Variants in EXO1 observed in about 807,000 individuals in gnomAD.
The protein encoded by EXO1 is exonuclease 1.
EXO1 carries 69 observed loss-of-function variants against 84.5 expected under a neutral mutation model. The ratio of observed to expected loss-of-function variants is 0.82; its 90% confidence interval spans 0.67 to 1.00. EXO1 has a LOEUF of 1.00. Among genes scored for constraint, EXO1 ranks in the 50% least tolerant of loss-of-function variants. EXO1 has a pLI of 0.00. For missense variants in EXO1, 1,045 were observed against 1,000.7 expected, an observed-to-expected ratio of 1.04 and a Z score of -0.60; for synonymous variants, 373 against 366.1, an observed-to-expected ratio of 1.02 and a Z score of -0.21.
At chr1:241,870,279 A>G (rs1662016053) in intron 11 of EXO1, among the ~76,000 whole-genome samples, 1 of 152,228 alleles carries the variant, frequency 6.6e-6, no homozygotes, top group Non-Finnish European at 1.5e-5. Context: ...ACAAACACAA[A>G]AACAAAACAA....
At chr1:241,862,238 G>A (rs181664115) in intron 10 of EXO1, among the ~76,000 whole-genome samples, 117 of 152,210 alleles carry the variant, frequency 7.7e-4, no homozygotes, top group African/African-American at 2.5e-3. Context: ...ACTCCTAGCC[G>A]CGATTTGCTG....
intron 10 of EXO1, among the ~76,000 whole-genome samples, chr1:241,863,289 C>T (rs895212138): frequency 6.6e-5 from 10 of 151,808 alleles, no homozygotes; most frequent in East Asian, 1.9e-4. Context: ...TGACCATTTT[C>T]GTAAATAGGG....
chr1:241,853,423 G>C lies in EXO1; in HGVS notation c.347G>C (p.Arg116Pro), dbSNP rs371763760. The C allele has an allele frequency of 6.2e-7, 1 of 1,613,940 alleles. No individual in the cohort carries two copies. Among genetic ancestry groups the C allele is most frequent in the Non-Finnish European group, 8.5e-7 (1 of 1,179,900 alleles). ...LLREGKVSEA[R>P]ECFTRSINIT... is the part of the protein sequence containing the mutation. ...CGTGAGGGGAAAGTCTCGGAAGCTCGAGAGTGTTTCACCCGGTCTATCAAT... is the reference window on the plus strand; with the variant it reads ...CGTGAGGGGAAAGTCTCGGAAGCTCCAGAGTGTTTCACCCGGTCTATCAAT... The change falls in exon 6 of 16, where the codon CGA (arginine) becomes CCA (proline). Residue 116 changes from arginine (R) to proline (P), a missense_variant. By Grantham distance (103) the Arg-to-Pro change is moderately radical. Coordinates refer to ENST00000366548, the MANE Select transcript of EXO1 (RefSeq NM_130398.4).
At chr1:241,852,505 C>G in intron 5 of EXO1, 94 bp downstream of exon 5, 2 of 1,179,214 alleles carry the variant, frequency 1.7e-6, no homozygotes, top group Non-Finnish European at 2.5e-6. Context: ...TTAAGCCAGG[C>G]TCAGTGGCTT....
At position 241,872,270 on chromosome 1, in the gene EXO1, C is replaced by A; in HGVS notation, c.1506C>A (p.Thr502=). 6.2e-7 allele frequency: 1 copy of A among 1,613,914 alleles called. No homozygotes were observed. The highest frequency in any genetic ancestry group is 8.5e-7 in the Non-Finnish European group (1 of 1,179,912). ...EESGAVVVPG[T]RSRFFCSSDS... is the part of the protein sequence containing the mutation. The stretch of plus-strand genomic sequence containing the variant: ...GTGGTGCAGTTGTGGTTCCAGGGAC[C>A]AGAAGCAGGTATAGTTATGTCTCCA... The change falls in exon 12 of 16, where the codon ACC becomes ACA. Residue 502 remains threonine (T), a synonymous_variant. Transcript: ENST00000366548.
intron 14 of EXO1, among the ~76,000 whole-genome samples, chr1:241,883,096 A>G (rs1662864948): frequency 6.6e-6 from 1 of 152,094 alleles, no homozygotes; most frequent in Admixed American, 6.6e-5. Flanking sequence ...ATATAGGTGA[A>G]TTTTTTTCTG....
intron 14 of EXO1, among the ~76,000 whole-genome samples, chr1:241,884,850 G>A (rs1662961277): frequency 6.6e-6 from 1 of 152,236 alleles, no homozygotes; most frequent in African/African-American, 2.4e-5. Flanking sequence ...GATGACTTCT[G>A]TAATAGACTT....
chr1:241,857,296 G>T, intron 6 of EXO1, 49 bp from the exon 7 acceptor site: 2 of 1,604,296 alleles, frequency 1.2e-6, no homozygotes, highest in Non-Finnish European at 1.7e-6. Flanking sequence ...AAGTTGTTTA[G>T]TACTTTCCAG....
intron 5 of EXO1, 106 bp downstream of exon 5, chr1:241,852,517 C>T (rs1195379258): frequency 9.6e-6 from 10 of 1,041,434 alleles, no homozygotes; most frequent in African/African-American, 6.2e-5. Context: ...CAGTGGCTTG[C>T]ACCTGTTGTC....
intron 8 of EXO1, among the ~76,000 whole-genome samples, chr1:241,859,615 A>G (rs1178504583): frequency 1.3e-5 from 2 of 152,166 alleles, no homozygotes; most frequent in East Asian, 1.9e-4. Flanking sequence ...TAACGTGTAT[A>G]TGCAAATATT....
chr1:241,860,681 T>C lies in EXO1; in HGVS notation c.921T>C (p.Pro307=), dbSNP rs767539399. The C allele has an allele frequency of 6.2e-7, 1 of 1,613,830 alleles. No homozygotes were observed. The highest frequency in any genetic ancestry group is 8.5e-7 in the Non-Finnish European group (1 of 1,179,734). Reference sequence around the variant, plus strand: ...ACGCCTATGAAGATGATGTTGATCCTGAAACACTAAGCTACGCTGGGCAGT... The same window carrying C: ...ACGCCTATGAAGATGATGTTGATCCCGAAACACTAAGCTACGCTGGGCAGT... ...PLNAYEDDVD[P]ETLSYAGQYV... The change falls in exon 9 of 16, where the codon CCT becomes CCC. Residue 307 remains proline, a synonymous_variant. Coordinates refer to ENST00000366548, the MANE Select transcript of EXO1 (RefSeq NM_130398.4).
intron 6 of EXO1, among the ~76,000 whole-genome samples, chr1:241,856,251 TTTTC>T (rs1475310053): frequency 8.4e-6 from 1 of 119,406 alleles, no homozygotes; most frequent in Admixed American, 8.5e-5. Context: ...TTTCCTCTTT[TTTTC>T]TTTTTTTCTT....
At chr1:241,878,395 G>T (rs1662523495) in intron 12 of EXO1, among the ~76,000 whole-genome samples, 1 of 151,902 alleles carries the variant, frequency 6.6e-6, no homozygotes, top group Non-Finnish European at 1.5e-5. Context: ...TACTCAGGAG[G>T]CTGAGGCAGG....
Position 241,853,432 on chromosome 1 carries a change from T to A in EXO1, c.356T>A (p.Phe119Tyr). The stretch of plus-strand genomic sequence containing the variant: ...AAAGTCTCGGAAGCTCGAGAGTGTT[T>A]CACCCGGTCTATCAATATCACACAT... ...EGKVSEAREC[F>Y]TRSINITHAM... Residue 119 changes from phenylalanine to tyrosine, a missense_variant, in exon 6 of 16, where the codon TTC becomes TAC. Transcript: ENST00000366548. 1 of 1,614,058 alleles carries A rather than the reference T, an allele frequency of 6.2e-7. No individual in the cohort carries two copies. Among genetic ancestry groups the A allele is most frequent in the Non-Finnish European group, 8.5e-7 (1 of 1,179,988 alleles).
intron 13 of EXO1, among the ~76,000 whole-genome samples, chr1:241,880,004 C>CAA (rs576461090): frequency 1.1e-3 from 89 of 83,928 alleles, no homozygotes; most frequent in African/African-American, 3.3e-3. Context: ...AAGACTGTCT[C>CAA]AAAAAAAAAA....
At chr1:241,881,810 C>T (rs781171921) in intron 13 of EXO1, 106 bp from the exon 14 acceptor site, 3 of 628,860 alleles carry the variant, frequency 4.8e-6, no homozygotes, top group Non-Finnish European at 8.6e-6. Flanking sequence ...TTAATTCTAT[C>T]CCATGTTCTT....
chr1:241,878,627 TTATA>T (rs1306263520), intron 12 of EXO1, 118 bp from the exon 13 acceptor site: 2 of 644,078 alleles, frequency 3.1e-6, no homozygotes, highest in African/African-American at 3.7e-5. Context: ...CTTTATGAAA[TTATA>T]TATTTATGAG....
intron 10 of EXO1, 126 bp downstream of exon 10, chr1:241,861,628 A>G (rs1352922684): frequency 1.0e-5 from 7 of 696,498 alleles, no homozygotes; most frequent in African/African-American, 1.8e-5. Flanking sequence ...TGCAGAATGT[A>G]CATTAAAAAC....
chr1:241,857,162 A>G (rs1009771268), intron 6 of EXO1, among the ~76,000 whole-genome samples, 183 bp from the exon 7 acceptor site: 7 of 152,210 alleles, frequency 4.6e-5, no homozygotes, highest in African/African-American at 1.7e-4. Flanking sequence ...CTTAATGGCT[A>G]TATAATTAGT....
Sources: allele counts gnomAD v4.1 joint callset (sites outside exome capture counted in the v4.1 genomes callset), GRCh38; gene constraint gnomAD v4.1.1; transcripts MANE v1.5; gene names NCBI Gene and HGNC (gene_info 2026-07-23, HGNC 2026-07-21).